Variants in DNAH12 observed in about 807,000 individuals in gnomAD.
DNAH12 encodes the protein axonemal beta dynein heavy chain 12.
DNAH12 carries 285 observed loss-of-function variants against 371.5 expected under a neutral mutation model. That is an observed-to-expected ratio of 0.77 (90% CI 0.70 to 0.85). The LOEUF (loss-of-function observed/expected upper bound fraction) is 0.85, where lower values mean the gene tolerates loss of function less well. Ranked by LOEUF, DNAH12 falls within the 40% of genes least tolerant of loss-of-function variation. The probability of loss-of-function intolerance (pLI) is 0.00; values close to 1 mark genes in which losing one functional copy is unlikely to be tolerated. For missense variants in DNAH12, 3,611 were observed against 3,689.4 expected (o/e 0.98, Z 0.55); for synonymous variants, 1,200 against 1,213.0 (o/e 0.99, Z 0.22).
At chr3:57,361,253 G>A (rs1224083044) in intron 58 of DNAH12, among the ~76,000 whole-genome samples, 1 of 151,536 alleles carries the variant, frequency 6.6e-6, no homozygotes, top group Non-Finnish European at 1.5e-5. Flanking sequence ...GGAGTCCTGA[G>A]GCAGGAGAAT....
chr3:57,310,833 G>A lies in DNAH12; in HGVS notation c.10780C>T (p.Leu3594=). The A allele has an allele frequency of 6.4e-7, 1 of 1,551,586 alleles. No individual in the cohort carries two copies. Among genetic ancestry groups the A allele is most frequent in the Non-Finnish European group, 8.7e-7 (1 of 1,146,918 alleles). The change falls in exon 67 of 74, where the codon CTG becomes TTG. Residue 3594 remains leucine (L), a synonymous_variant. Transcript: ENST00000495027. ...ATGTACAGATTATAAAAGTCAGCCA[G>A]CATGGTTAATAGAAGACGTCTGTCC... ...DWDRRLLLTM[L]ADFYNLYIVE...
intron 69 of DNAH12, among the ~76,000 whole-genome samples, chr3:57,306,519 C>G (rs980566136): frequency 1.3e-5 from 2 of 152,092 alleles, no homozygotes; most frequent in African/African-American, 4.8e-5. Flanking sequence ...GCCGCCTTTT[C>G]CCCCAGTTCA....
chr3:57,428,544 A>G (rs1158337544), intron 34 of DNAH12, 89 bp downstream of exon 34: 20 of 1,515,006 alleles, frequency 1.3e-5, no homozygotes, highest in Admixed American at 2.5e-5. Context: ...GGTTTTAGTT[A>G]TTCATTCTAC....
chr3:57,535,895 G>A (rs2069023471), intron 2 of DNAH12, among the ~76,000 whole-genome samples: 1 of 147,742 alleles, frequency 6.8e-6, no homozygotes, highest in Non-Finnish European at 1.5e-5. Flanking sequence ...GGAGTACAGT[G>A]GCTCGATCTC....
At chr3:57,492,781 G>C (rs972625810) in intron 11 of DNAH12, among the ~76,000 whole-genome samples, 4 of 152,090 alleles carry the variant, frequency 2.6e-5, no homozygotes, top group African/African-American at 7.2e-5. Context: ...GGCCGAAGCA[G>C]GTGGATCATG....
rs1216986361 is a variant in DNAH12, at chr3:57,303,200, G to A, written c.11190-1261C>T. Among the ~76,000 whole-genome samples, 4 of 151,424 alleles carry A rather than the reference G, an allele frequency of 2.6e-5. No homozygotes were observed. The East Asian group carries it at 6.0e-4, about 23-fold the overall frequency. ...TAAAAATACAAAAAATTAGCCAGTC[G>A]TGGTGGTGGGCGCCTGTAGTCCCAG... On this transcript the variant is annotated intron_variant, in intron 69 of 73. Transcript: ENST00000495027.
chr3:57,467,142 G>T (rs1008901165), intron 17 of DNAH12, among the ~76,000 whole-genome samples: 1 of 151,872 alleles, frequency 6.6e-6, no homozygotes, highest in African/African-American at 2.4e-5. Flanking sequence ...AGTAATTTTG[G>T]AGTCTCGCTC....
chr3:57,412,700 G>A (rs546796993), intron 39 of DNAH12, among the ~76,000 whole-genome samples: 8 of 152,208 alleles, frequency 5.3e-5, no homozygotes, highest in African/African-American at 9.6e-5. Flanking sequence ...GCTTCTTACC[G>A]TATGTCATCA....
intron 59 of DNAH12, among the ~76,000 whole-genome samples, chr3:57,352,719 A>G (rs1916283): frequency 0.024 from 3,600 of 152,254 alleles, 65 homozygotes; most frequent in Admixed American, 0.035. Context: ...AGGGAAATGT[A>G]ACAGACAAAG....
At chr3:57,507,928 C>T in intron 7 of DNAH12, 90 bp from the exon 8 acceptor site, 1 of 1,191,522 alleles carries the variant, frequency 8.4e-7, no homozygotes, top group Non-Finnish European at 1.1e-6. Flanking sequence ...GTGGTTCACA[C>T]CTGTAATCTC....
At chr3:57,509,760 G>T (rs2067911964) in intron 5 of DNAH12, among the ~76,000 whole-genome samples, 2 of 150,922 alleles carry the variant, frequency 1.3e-5, no homozygotes, top group South Asian at 4.2e-4. Flanking sequence ...TACTTGGGAG[G>T]CTGAGGCAAG....
intron 50 of DNAH12, among the ~76,000 whole-genome samples, chr3:57,380,926 T>C (rs946775812): frequency 6.6e-6 from 1 of 152,236 alleles, no homozygotes; most frequent in South Asian, 2.1e-4. Context: ...TTATTTCTTT[T>C]GAAAACTTAA....
intron 55 of DNAH12, among the ~76,000 whole-genome samples, chr3:57,373,823 G>A (rs1438302955): frequency 6.6e-5 from 10 of 152,212 alleles, no homozygotes; most frequent in Admixed American, 1.3e-4. Flanking sequence ...GCTTATTGCC[G>A]ATAAGTTTCA....
intron 57 of DNAH12, among the ~76,000 whole-genome samples, chr3:57,365,807 G>C (rs1684731917): frequency 6.6e-6 from 1 of 151,040 alleles, no homozygotes; most frequent in African/African-American, 2.4e-5. Flanking sequence ...TTTATATGCT[G>C]CTTTTTCCTT....
In DNAH12 at chr3:57,445,166, A is replaced by G; in HGVS notation, c.4425+8T>C. 1 of 1,530,522 alleles carries G rather than the reference A, an allele frequency of 6.5e-7. No individual in the cohort carries two copies. Among genetic ancestry groups the G allele is most frequent in the Non-Finnish European group, 8.8e-7 (1 of 1,135,338 alleles). 94.8% of individuals were successfully genotyped at this position (1,530,522 alleles called of 1,614,324 possible). ...GAAACTTTCCCAATGTGTATATTTAATACTTACAAGTATATCTTCATTTTC... is the reference window on the plus strand; with the variant it reads ...GAAACTTTCCCAATGTGTATATTTAGTACTTACAAGTATATCTTCATTTTC... On this transcript the variant is annotated splice_region_variant and intron_variant, in intron 28 of 73. Coordinates refer to ENST00000495027, the MANE Select transcript of DNAH12 (RefSeq NM_001366028.2).
At chr3:57,503,582 T>G (rs1321680322) in intron 9 of DNAH12, among the ~76,000 whole-genome samples, 1 of 151,866 alleles carries the variant, frequency 6.6e-6, no homozygotes. Context: ...AGAGATGAGG[T>G]TTCACCATGT....
chr3:57,296,415 A>C lies in DNAH12; in HGVS notation c.11553T>G (p.Ser3851=). Residue 3851 remains serine (S), a synonymous_variant, in exon 72 of 74, where the codon TCT becomes TCG. Coordinates refer to ENST00000495027, the MANE Select transcript of DNAH12 (RefSeq NM_001366028.2). ...YEFEVIPSDT[S]DTSPEDGVYI... is the part of the protein sequence containing the mutation. The stretch of plus-strand genomic sequence containing the variant: ...AAACACCATCTTCTGGTGATGTGTC[A>C]GATGTATCAGATGGGATAACCTGAA... The C allele has an allele frequency of 6.4e-7, 1 of 1,551,044 alleles. No homozygotes were observed.
At chr3:57,511,830 G>C (rs554229443) in intron 4 of DNAH12, among the ~76,000 whole-genome samples, 5 of 151,890 alleles carry the variant, frequency 3.3e-5, no homozygotes, top group African/African-American at 1.2e-4. Flanking sequence ...AAATATGAAG[G>C]TTTTAATAAC....
At chr3:57,445,972 A>G in intron 27 of DNAH12, 59 bp downstream of exon 27, 1 of 1,443,040 alleles carries the variant, frequency 6.9e-7, no homozygotes, top group African/African-American at 1.5e-5. Context: ...TGGGCAATAG[A>G]GTAAGACTGT....
Sources: allele counts gnomAD v4.1 joint callset (sites outside exome capture counted in the v4.1 genomes callset), GRCh38; gene constraint gnomAD v4.1.1; transcripts MANE v1.5; gene names NCBI Gene and HGNC (gene_info 2026-07-23, HGNC 2026-07-21).